MGMT: variants seen among roughly 807,000 people sequenced by gnomAD.
MGMT encodes the protein methylated-DNA--protein-cysteine methyltransferase.
Under a neutral mutation model 15.9 loss-of-function variants are expected in MGMT, and 14 were observed. The ratio of observed to expected loss-of-function variants is 0.88; its 90% CI spans 0.58 to 1.37. The LOEUF is 1.37. MGMT is among the 40% of genes most tolerant of loss of function. MGMT has a pLI of 0.00. For synonymous variants in MGMT, 130 were observed against 118.2 expected (o/e 1.10, Z -0.65); for missense variants, 282 against 268.1 (o/e 1.05, Z -0.36).
chr10:129,687,287 A>G (rs1589936711), intron 2 of MGMT, among the ~76,000 whole-genome samples: 1 of 152,016 alleles, frequency 6.6e-6, no homozygotes, highest in East Asian at 1.9e-4. Flanking sequence ...CATATATTGA[A>G]TTGTTATGTC....
chr10:129,565,685 GTTC>G (rs1317996921), intron 2 of MGMT, among the ~76,000 whole-genome samples: 1 of 152,142 alleles, frequency 6.6e-6, no homozygotes, highest in Admixed American at 6.5e-5. Flanking sequence ...ATCAGCCCAT[GTTC>G]TTCTGCCATA....
chr10:129,530,602 A>T (rs1431556167), intron 1 of MGMT, among the ~76,000 whole-genome samples: 3 of 152,308 alleles, frequency 2.0e-5, no homozygotes, highest in Middle Eastern at 3.4e-3. Context: ...TTATTTCCAC[A>T]ATCGACCTTG....
chr10:129,652,681 A>G lies in MGMT; in HGVS notation c.126-55214A>G, dbSNP rs543142989. Among the ~76,000 whole-genome samples, 56 of 152,012 alleles carry G rather than the reference A, an allele frequency of 3.7e-4. No individual in the cohort carries two copies. In the East Asian group the frequency reaches 0.01, roughly 28 times the overall value. On this transcript the variant is annotated intron_variant, in intron 2 of 4. Transcript: ENST00000651593. ...TGTGTGGGGGCTTCTGTGGGAGAGG[A>G]CCCTGTCCTCCGCACGTCAGCTGCC...
chr10:129,602,759 C>A (rs1448783111), intron 2 of MGMT, among the ~76,000 whole-genome samples: 1 of 152,110 alleles, frequency 6.6e-6, no homozygotes, highest in African/African-American at 2.4e-5. Context: ...TCCTTTCCAG[C>A]TCAACATTGA....
intron 2 of MGMT, among the ~76,000 whole-genome samples, chr10:129,655,191 G>T (rs1175736046): frequency 6.6e-6 from 1 of 152,200 alleles, no homozygotes; most frequent in South Asian, 2.1e-4. Context: ...TCCCGTGGGG[G>T]CCCCGCGGAG....
chr10:129,480,943 G>C (rs1052983409), intron 1 of MGMT, among the ~76,000 whole-genome samples: 9 of 152,230 alleles, frequency 5.9e-5, no homozygotes, highest in African/African-American at 2.2e-4. Context: ...CCTGGTGGCA[G>C]CGTCATTCTG....
At chr10:129,682,041 C>T (rs572169396) in intron 2 of MGMT, among the ~76,000 whole-genome samples, 94 of 152,276 alleles carry the variant, frequency 6.2e-4, no homozygotes, top group African/African-American at 2.1e-3. Flanking sequence ...TGAGGTTCCA[C>T]GCAGAGACCA....
At chr10:129,715,533 A>G (rs1184309107) in intron 3 of MGMT, 3 of 152,260 alleles carry the variant, frequency 2.0e-5, no homozygotes, top group Admixed American at 6.5e-5. Context: ...TTAGCTGGAC[A>G]TGTGCCGCTC....
chr10:129,733,063 G>A (rs1421907235), intron 3 of MGMT, among the ~76,000 whole-genome samples: 1 of 150,642 alleles, frequency 6.6e-6, no homozygotes, highest in Non-Finnish European at 1.5e-5. Flanking sequence ...AGTCCTTTGG[G>A]TATATACCCA....
chr10:129,533,183 G>A lies in MGMT; in HGVS notation c.-12-3058G>A, dbSNP rs145887443. Among the ~76,000 whole-genome samples the A allele has an allele frequency of 3.3e-5, 5 of 152,378 alleles. No individual in the cohort carries two copies. Among genetic ancestry groups the A allele is most frequent in the African/African-American group, 1.2e-4 (5 of 41,584 alleles). On this transcript the variant is annotated intron_variant, in intron 1 of 4. Coordinates refer to ENST00000651593, the MANE Select transcript of MGMT (RefSeq NM_002412.5). The surrounding 1 kb of genome is among the most constrained non-coding windows in gnomAD (Gnocchi z 4.5). ...TGTTTCCTGAAGCTTGATTTTGGCT[G>A]TGATTGGAGCGTGGCCAGTTCTGGT...
At chr10:129,723,515 A>G (rs377270290) in intron 3 of MGMT, among the ~76,000 whole-genome samples, 1 of 152,216 alleles carries the variant, frequency 6.6e-6, no homozygotes, top group African/African-American at 2.4e-5. Context: ...CACATTTCTT[A>G]TAACACCAAA....
At chr10:129,549,508 G>A (rs1197289813) in intron 2 of MGMT, among the ~76,000 whole-genome samples, 1 of 152,204 alleles carries the variant, frequency 6.6e-6, no homozygotes, top group East Asian at 1.9e-4. Context: ...TGTTCCTAAT[G>A]TGGGGTCCCC....
intron 2 of MGMT, among the ~76,000 whole-genome samples, chr10:129,593,282 G>GC (rs538443932): frequency 6.8e-4 from 104 of 152,358 alleles, no homozygotes; most frequent in African/African-American, 2.2e-3. Context: ...GTGAAATGGA[G>GC]CTGGTATTTG....
intron 1 of MGMT, among the ~76,000 whole-genome samples, chr10:129,494,570 C>T (rs1380265806): frequency 6.6e-6 from 1 of 152,222 alleles, no homozygotes; most frequent in Non-Finnish European, 1.5e-5. Context: ...TGTTCTGTGT[C>T]TCTGCTGCCC....
intron 2 of MGMT, among the ~76,000 whole-genome samples, chr10:129,663,136 A>C (rs11016858): frequency 0.066 from 10,074 of 152,274 alleles, 433 homozygotes; most frequent in Admixed American, 0.095. Context: ...GCTTATCAAA[A>C]ATTAGGTTAT....
intron 1 of MGMT, among the ~76,000 whole-genome samples, chr10:129,485,503 C>G (rs1845399367): frequency 6.6e-6 from 1 of 152,160 alleles, no homozygotes. Flanking sequence ...TTGAGCACCC[C>G]TAATTCAAAA....
intron 2 of MGMT, among the ~76,000 whole-genome samples, chr10:129,602,180 T>C (rs1481220313): frequency 6.6e-6 from 1 of 152,208 alleles, no homozygotes; most frequent in Non-Finnish European, 1.5e-5. Context: ...TACAGAATCA[T>C]ATACATTTAA....
chr10:129,515,988 G>T (rs368862349), intron 1 of MGMT, among the ~76,000 whole-genome samples: 2 of 152,140 alleles, frequency 1.3e-5, no homozygotes, highest in Admixed American at 1.3e-4. Context: ...GGATCTAAAC[G>T]CAGTCTTTGA....
chr10:129,574,999 C>T (rs1410880863), intron 2 of MGMT, among the ~76,000 whole-genome samples: 2 of 152,112 alleles, frequency 1.3e-5, no homozygotes, highest in Non-Finnish European at 2.9e-5. Context: ...AACTGCCTGG[C>T]CGCTGTGTGA....
Sources: allele counts gnomAD v4.1 joint callset (sites outside exome capture counted in the v4.1 genomes callset), GRCh38; gene constraint gnomAD v4.1.1; non-coding constraint Gnocchi (gnomAD v3.1); transcripts MANE v1.5; gene names NCBI Gene and HGNC (gene_info 2026-07-23, HGNC 2026-07-21).